Variants in POU3F3 observed in about 807,000 individuals in gnomAD.
POU3F3 encodes POU class 3 homeobox 3.
In POU3F3, 1 loss-of-function variant was observed where a neutral mutation model predicts 8.6. The observed-to-expected ratio is 0.12, with a 90% CI of 0.04 to 0.55. The LOEUF is 0.55. Among genes scored for constraint, POU3F3 ranks in the 20% least tolerant of loss-of-function variants. The pLI, the probability that POU3F3 is intolerant of heterozygous loss-of-function variation, is 0.91. For missense variants in POU3F3, 577 were observed against 690.7 expected, an observed-to-expected ratio of 0.84 and a Z score of 1.84; for synonymous variants, 418 against 327.4, an observed-to-expected ratio of 1.28 and a Z score of -2.99.
the POU3F3 span, among the ~76,000 whole-genome samples, chr2:104,919,682 G>A: frequency 1.3e-5 from 2 of 152,016 alleles, no homozygotes; most frequent in African/African-American, 4.8e-5. Context: ...TGAAACAATA[G>A]GCTTCAGAAA....
the POU3F3 span, among the ~76,000 whole-genome samples, chr2:104,922,393 A>C: frequency 1.9e-5 from 1 of 52,010 alleles, no homozygotes; most frequent in Non-Finnish European, 4.1e-5. Flanking sequence ...GAAGATGCTC[A>C]AAAAAAAAAA....
Position 104,855,407 on chromosome 2 carries a change from G to A in POU3F3, c.-104G>A, listed in dbSNP as rs1676531927. On this transcript the variant is annotated 5_prime_UTR_variant, in exon 1 of 1. Coordinates refer to ENST00000361360, the MANE Select transcript of POU3F3 (RefSeq NM_006236.3). ...GCGGGGAAGGAGGGGGGGAGGAGGC[G>A]GGAGGCGGGGGGCGCGGCGGCGGCG... is the stretch of plus-strand genomic sequence containing the variant. 6.2e-6 allele frequency: 3 copies of A among 480,618 alleles called. No individual in the cohort carries two copies. The highest frequency in any genetic ancestry group is 8.6e-5 in the South Asian group (1 of 11,590). 29.8% of individuals were successfully genotyped at this position (480,618 alleles called of 1,614,324 possible). A position where few individuals can be genotyped will look rare whatever the true frequency, so the allele number is the denominator to read the frequency against.
chr2:104,921,960 G>A, the POU3F3 span, among the ~76,000 whole-genome samples: 1 of 152,148 alleles, frequency 6.6e-6, no homozygotes, highest in Non-Finnish European at 1.5e-5. Flanking sequence ...TCACTCCACT[G>A]CACTCCAGCC....
At chr2:104,915,300 T>C in the POU3F3 span, among the ~76,000 whole-genome samples, 1 of 152,196 alleles carries the variant, frequency 6.6e-6, no homozygotes, top group Non-Finnish European at 1.5e-5. Flanking sequence ...AGATACTTGC[T>C]TTTGTGAGCT....
At chr2:104,904,138 G>C in the POU3F3 span, among the ~76,000 whole-genome samples, 1 of 152,188 alleles carries the variant, frequency 6.6e-6, no homozygotes, top group African/African-American at 2.4e-5. Flanking sequence ...AGAAGAACAA[G>C]TTGCCAGCAA....
chr2:104,915,239 G>A, the POU3F3 span, among the ~76,000 whole-genome samples: 1 of 152,210 alleles, frequency 6.6e-6, no homozygotes, highest in East Asian at 1.9e-4. Context: ...CCCTGTTTCA[G>A]GTAGTTGACA....
rs1196699857 is a variant in POU3F3 at position 104,856,066 on chromosome 2, G to T, written c.556G>T (p.Gly186Cys). ...PPPPHQGHPG[G>C]WGAAAAAAAA... ...GCCCCCACACCAGGGCCACCCTGGGGGCTGGGGGGCGGCCGCCGCTGCCGC... is the reference window on the plus strand; with the variant it reads ...GCCCCCACACCAGGGCCACCCTGGGTGCTGGGGGGCGGCCGCCGCTGCCGC... Residue 186 changes from glycine (G) to cysteine (C), a missense_variant, in exon 1 of 1, where the codon GGC becomes TGC. By Grantham distance (159) the Gly-to-Cys change is radical. Transcript: ENST00000361360. 9.9e-7 allele frequency: 1 copy of T among 1,007,310 alleles called. No homozygotes were observed. Among genetic ancestry groups the T allele is most frequent in the Non-Finnish European group, 1.2e-6 (1 of 850,820 alleles). 62.4% of individuals were successfully genotyped at this position (1,007,310 alleles called of 1,614,324 possible).
At chr2:104,912,935 T>C in the POU3F3 span, among the ~76,000 whole-genome samples, 255 of 152,378 alleles carry the variant, frequency 1.7e-3, no homozygotes, top group African/African-American at 5.8e-3. Flanking sequence ...CAAGCATTAC[T>C]CATCTCCAGA....
At chr2:104,870,834 G>C in the POU3F3 span, among the ~76,000 whole-genome samples, 1 of 152,164 alleles carries the variant, frequency 6.6e-6, no homozygotes, top group Non-Finnish European at 1.5e-5. Context: ...AGGCAAGGAG[G>C]GTTGGCAAAT....
rs753410679 is a variant in POU3F3, at chr2:104,856,365, G to A, written c.855G>A (p.Pro285=). The change falls in exon 1 of 1, where the codon CCG becomes CCA. Residue 285 remains proline, a synonymous_variant. Coordinates refer to ENST00000361360, the MANE Select transcript of POU3F3 (RefSeq NM_006236.3). ...HHHAHPHPPH[P]HHAQGPPHHG... ...ACGCGCATCCTCACCCGCCGCACCCGCACCACGCGCAGGGACCCCCGCACC... is the reference window on the plus strand; with the variant it reads ...ACGCGCATCCTCACCCGCCGCACCCACACCACGCGCAGGGACCCCCGCACC... The A allele has an allele frequency of 3.9e-6, 6 of 1,534,044 alleles. No individual in the cohort carries two copies. Among genetic ancestry groups the A allele is most frequent in the Non-Finnish European group, 4.4e-6 (5 of 1,144,072 alleles).
the POU3F3 span, among the ~76,000 whole-genome samples, chr2:104,888,147 A>G: frequency 6.6e-6 from 1 of 152,222 alleles, no homozygotes; most frequent in Admixed American, 6.5e-5. Flanking sequence ...CTTTCATCTG[A>G]AAAACACACA....
chr2:104,903,781 G>A, the POU3F3 span, among the ~76,000 whole-genome samples: 1 of 152,200 alleles, frequency 6.6e-6, no homozygotes, highest in East Asian at 1.9e-4. Flanking sequence ...ATGTTTGTCT[G>A]TGGGGGTTAA....
the POU3F3 span, among the ~76,000 whole-genome samples, chr2:104,909,555 C>T: frequency 6.6e-6 from 1 of 152,254 alleles, no homozygotes; most frequent in Non-Finnish European, 1.5e-5. Flanking sequence ...CTGTGCCTGC[C>T]AATCAGCCTC....
At chr2:104,902,411 G>A in the POU3F3 span, among the ~76,000 whole-genome samples, 1 of 152,120 alleles carries the variant, frequency 6.6e-6, no homozygotes, top group African/African-American at 2.4e-5. Context: ...CCGAGACTCG[G>A]GGGAATCACC....
chr2:104,860,030 A>G (rs372728412), downstream of POU3F3, among the ~76,000 whole-genome samples: 93 of 152,268 alleles, frequency 6.1e-4, no homozygotes, highest in African/African-American at 2.1e-3. Context: ...TGTTTTTCCT[A>G]TGGGAATGGT....
chr2:104,861,721 T>C (rs1237048191), downstream of POU3F3, among the ~76,000 whole-genome samples: 2 of 152,120 alleles, frequency 1.3e-5, no homozygotes, highest in Admixed American at 6.5e-5. Context: ...TTGTTGTCGT[T>C]GTTGTTGCTG....
At chr2:104,889,981 G>A in the POU3F3 span, among the ~76,000 whole-genome samples, 1 of 152,120 alleles carries the variant, frequency 6.6e-6, no homozygotes. Context: ...TAGCCTGCCT[G>A]GATGACAGGC....
At chr2:104,871,341 A>G in the POU3F3 span, among the ~76,000 whole-genome samples, 1 of 152,234 alleles carries the variant, frequency 6.6e-6, no homozygotes, top group Non-Finnish European at 1.5e-5. Flanking sequence ...GAACTCTTTG[A>G]AAACATTACC....
chr2:104,872,134 T>C, the POU3F3 span: 6 of 424,164 alleles, frequency 1.4e-5, no homozygotes, highest in African/African-American at 1.2e-4. This position sits in a 1 kb window ranked among gnomAD's most constrained non-coding sequence, Gnocchi z 4.6. Context: ...GGCTCCCCCT[T>C]TCAAAACCCC....
Sources: allele counts gnomAD v4.1 joint callset (sites outside exome capture counted in the v4.1 genomes callset), GRCh38; gene constraint gnomAD v4.1.1; non-coding constraint Gnocchi (gnomAD v3.1); transcripts MANE v1.5; gene names NCBI Gene and HGNC (gene_info 2026-07-23, HGNC 2026-07-21).